The following TMEM132B variants were observed in gnomAD, a reference collection of about 807,000 sequenced individuals.
TMEM132B encodes transmembrane protein 132B.
A neutral mutation model predicts 90.8 loss-of-function variants in TMEM132B; 18 were observed. The observed-to-expected ratio is 0.20, with a 90% confidence interval of 0.14 to 0.29. TMEM132B has a LOEUF of 0.29. TMEM132B is among the 10% of genes least tolerant of loss of function. The probability of loss-of-function intolerance (pLI) is 1.00; values close to 1 mark genes in which losing one functional copy is unlikely to be tolerated. For synonymous variants in TMEM132B, 504 were observed against 523.3 expected (o/e 0.96, Z 0.50); for missense variants, 1,096 against 1,326.8 (o/e 0.83, Z 2.70).
At chr12:125,528,591 T>A (rs969510856) in intron 4 of TMEM132B, among the ~76,000 whole-genome samples, 38 of 152,324 alleles carry the variant, frequency 2.5e-4, no homozygotes, top group African/African-American at 9.1e-4. Context: ...TCAACTCTCA[T>A]GCTGTCATGC....
At chr12:125,236,714 C>T (rs188140239) in intron 1 of TMEM132B, among the ~76,000 whole-genome samples, 64 of 152,350 alleles carry the variant, frequency 4.2e-4, no homozygotes, top group Non-Finnish European at 7.6e-4. Context: ...GTATCCTGCA[C>T]CACTTCAAGC....
intron 1 of TMEM132B, among the ~76,000 whole-genome samples, chr12:125,187,894 A>G (rs1251249144): frequency 4.0e-5 from 6 of 151,592 alleles, no homozygotes. Context: ...TAAAATCAAG[A>G]CCCATGATTT....
At chr12:125,214,220 A>G (rs1873382790) in intron 1 of TMEM132B, among the ~76,000 whole-genome samples, 1 of 152,212 alleles carries the variant, frequency 6.6e-6, no homozygotes, top group Non-Finnish European at 1.5e-5. Flanking sequence ...GCATCTGGAA[A>G]GTCCTCCTAG....
chr12:125,413,173 C>T (rs1029905084), intron 2 of TMEM132B, among the ~76,000 whole-genome samples: 3 of 152,058 alleles, frequency 2.0e-5, no homozygotes, highest in Non-Finnish European at 2.9e-5. Flanking sequence ...TCCTCCAGTT[C>T]GAGAATCTCT....
At chr12:125,391,686 C>T (rs1879023675) in intron 2 of TMEM132B, among the ~76,000 whole-genome samples, 1 of 152,128 alleles carries the variant, frequency 6.6e-6, no homozygotes, top group Non-Finnish European at 1.5e-5. Flanking sequence ...CACAGAACCC[C>T]ACAAGTATAT....
At chr12:125,597,684 T>C (rs1047145033) in intron 5 of TMEM132B, among the ~76,000 whole-genome samples, 1 of 152,216 alleles carries the variant, frequency 6.6e-6, no homozygotes, top group Non-Finnish European at 1.5e-5. Context: ...AGCAGCTTCA[T>C]AAGAGACAGA....
rs1212630592 is a variant in TMEM132B, at chr12:125,460,123, C to T, written c.1106+44446C>T. Among the ~76,000 whole-genome samples, 1 of 152,204 alleles carries T rather than the reference C, an allele frequency of 6.6e-6. No homozygotes were observed. The highest frequency in any genetic ancestry group is 1.5e-5 in the Non-Finnish European group (1 of 68,044). On this transcript the variant is annotated intron_variant, in intron 3 of 8. Transcript: ENST00000682704. This position sits in a 1 kb window ranked among gnomAD's most constrained non-coding sequence, Gnocchi z 4.4. Reference sequence around the variant, plus strand: ...TACCTGATGTGATTATTATGCATTGCATGCCTGTGTCAAAACATCTCATGT... The same window carrying T: ...TACCTGATGTGATTATTATGCATTGTATGCCTGTGTCAAAACATCTCATGT...
intron 3 of TMEM132B, among the ~76,000 whole-genome samples, chr12:125,469,447 A>G (rs1881653824): frequency 6.6e-6 from 1 of 152,224 alleles, no homozygotes; most frequent in Non-Finnish European, 1.5e-5. Flanking sequence ...AACAAATATT[A>G]TTTATGGTGA....
chr12:125,523,538 C>T (rs1883365587), intron 4 of TMEM132B, among the ~76,000 whole-genome samples: 1 of 152,086 alleles, frequency 6.6e-6, no homozygotes, highest in Admixed American at 6.6e-5. Flanking sequence ...ATTCCTTTGG[C>T]CATGCCAAGT....
intron 1 of TMEM132B, among the ~76,000 whole-genome samples, chr12:125,235,052 T>C (rs1003208056): frequency 1.3e-5 from 2 of 152,192 alleles, no homozygotes; most frequent in Non-Finnish European, 2.9e-5. Context: ...CTAGTTTGGC[T>C]TCCTTCTTAA....
intron 1 of TMEM132B, among the ~76,000 whole-genome samples, chr12:125,247,237 T>C (rs929652283): frequency 2.0e-5 from 3 of 152,230 alleles, no homozygotes; most frequent in Non-Finnish European, 4.4e-5. Context: ...TTCTTACTTG[T>C]ATGAGACACA....
intron 1 of TMEM132B, among the ~76,000 whole-genome samples, chr12:125,329,144 T>C (rs870958): frequency 0.037 from 5,658 of 152,188 alleles, 338 homozygotes; most frequent in African/African-American, 0.13. Context: ...CTTTTATAAG[T>C]AGAGAAAGAA....
chr12:125,311,596 G>A (rs757799543), intron 1 of TMEM132B, among the ~76,000 whole-genome samples: 3 of 152,066 alleles, frequency 2.0e-5, no homozygotes, highest in Non-Finnish European at 4.4e-5. Flanking sequence ...TGGAATCTGC[G>A]GAAGCTGCTT....
chr12:125,518,331 T>C (rs1163044306), intron 3 of TMEM132B, among the ~76,000 whole-genome samples: 2 of 152,142 alleles, frequency 1.3e-5, no homozygotes, highest in Non-Finnish European at 2.9e-5. Flanking sequence ...CCACACAGGT[T>C]GTGAGTTTGG....
intron 1 of TMEM132B, among the ~76,000 whole-genome samples, chr12:125,263,378 C>T (rs1874612089): frequency 6.6e-6 from 1 of 152,210 alleles, no homozygotes; most frequent in African/African-American, 2.4e-5. Context: ...GCCTCAGTTT[C>T]CTCACTTGTC....
intron 3 of TMEM132B, among the ~76,000 whole-genome samples, chr12:125,484,275 T>C (rs1882141745): frequency 6.6e-6 from 1 of 152,196 alleles, no homozygotes; most frequent in Non-Finnish European, 1.5e-5. Context: ...ACGATATGTA[T>C]GAACACATGG....
intron 3 of TMEM132B, among the ~76,000 whole-genome samples, chr12:125,467,348 A>G (rs895838653): frequency 2.6e-5 from 4 of 152,134 alleles, no homozygotes; most frequent in South Asian, 2.1e-4. Flanking sequence ...TTGAAGCCCT[A>G]TTAGATACAT....
rs1879479179 is a variant in TMEM132B at position 125,406,387 on chromosome 12, A to G, written c.960-9144A>G. Among the ~76,000 whole-genome samples the G allele has an allele frequency of 1.3e-5, 2 of 152,176 alleles. No individual in the cohort carries two copies. The highest frequency in any genetic ancestry group is 4.8e-5 in the African/African-American group (2 of 41,444). The stretch of plus-strand genomic sequence containing the variant: ...GCGGAGGACAGTGCCTGGCTTCTAG[A>G]AGGGGCTTGAGACATTTCAGCATTT... On this transcript the variant is annotated intron_variant, in intron 2 of 8. Coordinates refer to ENST00000682704, the MANE Select transcript of TMEM132B (RefSeq NM_001366854.1). The surrounding 1 kb of genome is among the most constrained non-coding windows in gnomAD (Gnocchi z 8.3).
intron 3 of TMEM132B, among the ~76,000 whole-genome samples, chr12:125,425,560 T>C (rs1285944935): frequency 1.3e-5 from 2 of 152,204 alleles, no homozygotes; most frequent in African/African-American, 2.4e-5. Flanking sequence ...TCACACAGGA[T>C]AGCTCCACTA....
Sources: allele counts gnomAD v4.1 joint callset (sites outside exome capture counted in the v4.1 genomes callset), GRCh38; gene constraint gnomAD v4.1.1; non-coding constraint Gnocchi (gnomAD v3.1); transcripts MANE v1.5; gene names NCBI Gene and HGNC (gene_info 2026-07-23, HGNC 2026-07-21).